The following ULK4 variants were observed in gnomAD, a reference collection of about 807,000 sequenced individuals.
ULK4 encodes unc-51 like kinase 4, also known as inactive serine/threonine-protein kinase ULK4.
Under a neutral mutation model 160.6 loss-of-function variants are expected in ULK4, and 133 were observed. That is an observed-to-expected ratio of 0.83 (90% CI 0.72 to 0.96). The LOEUF is 0.96. Among genes scored for constraint, ULK4 ranks in the 40% least tolerant of loss-of-function variants. The pLI is 0.00. For missense variants in ULK4, 1,580 were observed against 1,499.5 expected (o/e 1.05, Z -0.89); for synonymous variants, 534 against 539.8 (o/e 0.99, Z 0.15).
chr3:41,684,586 G>A (rs114319225), intron 27 of ULK4, among the ~76,000 whole-genome samples: 5,829 of 152,244 alleles, frequency 0.038, 346 homozygotes, highest in African/African-American at 0.13. Context: ...TGTCCCAAAC[G>A]TGTCAAGCAC....
intron 35 of ULK4, among the ~76,000 whole-genome samples, chr3:41,316,041 T>C (rs2080136948): frequency 6.6e-6 from 1 of 152,124 alleles, no homozygotes; most frequent in Non-Finnish European, 1.5e-5. Flanking sequence ...GTCACAGGTA[T>C]GAACACACAA....
intron 17 of ULK4, among the ~76,000 whole-genome samples, chr3:41,856,587 A>ATG (rs2042363387): frequency 5.4e-5 from 4 of 73,620 alleles, no homozygotes; most frequent in Middle Eastern, 7.7e-3. Flanking sequence ...GTATATATAT[A>ATG]CACATATATA....
At chr3:41,773,275 C>G (rs1263050379) in intron 21 of ULK4, among the ~76,000 whole-genome samples, 1 of 152,194 alleles carries the variant, frequency 6.6e-6, no homozygotes, top group Non-Finnish European at 1.5e-5. Flanking sequence ...AAGAGGAAGT[C>G]AAATTGTCCC....
At chr3:41,826,472 A>G (rs2041358471) in intron 18 of ULK4, among the ~76,000 whole-genome samples, 1 of 151,860 alleles carries the variant, frequency 6.6e-6, no homozygotes, top group Non-Finnish European at 1.5e-5. Context: ...AGATCTACAA[A>G]GCAAATGGAA....
intron 22 of ULK4, among the ~76,000 whole-genome samples, chr3:41,746,293 A>AG (rs1329064285): frequency 7.0e-6 from 1 of 143,224 alleles, no homozygotes; most frequent in Non-Finnish European, 1.5e-5. Context: ...AAAAAAAAAA[A>AG]AAACCACCTA....
At chr3:41,814,958 G>A (rs1161960746) in intron 19 of ULK4, among the ~76,000 whole-genome samples, 2 of 148,106 alleles carry the variant, frequency 1.4e-5, no homozygotes, top group African/African-American at 5.0e-5. Context: ...GCCCAGGCTG[G>A]AGTGTAGTGG....
At chr3:41,663,550 AC>A in intron 30 of ULK4, 56 bp downstream of exon 30, 1 of 1,436,920 alleles carries the variant, frequency 7.0e-7, no homozygotes, top group South Asian at 1.2e-5. Context: ...TTTTCACAAC[AC>A]ATAAAATTCA....
intron 35 of ULK4, among the ~76,000 whole-genome samples, chr3:41,313,821 T>C (rs2080097841): frequency 6.6e-6 from 1 of 152,138 alleles, no homozygotes; most frequent in African/African-American, 2.4e-5. Context: ...AGACCGGGCT[T>C]AGGGACTGAC....
intron 30 of ULK4, among the ~76,000 whole-genome samples, chr3:41,652,673 G>C (rs770335714): frequency 5.3e-5 from 8 of 152,342 alleles, no homozygotes; most frequent in Non-Finnish European, 8.8e-5. Flanking sequence ...AGAATCTCAT[G>C]ATGATGGCAG....
At chr3:41,687,114 C>T (rs968627315) in intron 27 of ULK4, among the ~76,000 whole-genome samples, 2 of 151,840 alleles carry the variant, frequency 1.3e-5, no homozygotes, top group Non-Finnish European at 2.9e-5. Flanking sequence ...GTGGTTCATG[C>T]CTGTAATCCC....
intron 21 of ULK4, among the ~76,000 whole-genome samples, chr3:41,783,718 T>C (rs1284997675): frequency 6.6e-6 from 1 of 152,176 alleles, no homozygotes; most frequent in Non-Finnish European, 1.5e-5. Flanking sequence ...TTTGTCACTA[T>C]ACAGTCTGAT....
chr3:41,312,668 AAAAC>A (rs2080074087), intron 35 of ULK4, among the ~76,000 whole-genome samples: 1 of 151,584 alleles, frequency 6.6e-6, no homozygotes, highest in African/African-American at 2.4e-5. Context: ...AACAAACAAA[AAAAC>A]ATTAGCACAC....
At chr3:41,710,717 C>T (rs2037064424) in intron 25 of ULK4, among the ~76,000 whole-genome samples, 2 of 151,768 alleles carry the variant, frequency 1.3e-5, no homozygotes, top group South Asian at 2.1e-4. Context: ...TTGCTGGAAC[C>T]CACGAAACAG....
At chr3:41,299,826 A>G (rs2079745922) in intron 35 of ULK4, among the ~76,000 whole-genome samples, 1 of 152,216 alleles carries the variant, frequency 6.6e-6, no homozygotes, top group African/African-American at 2.4e-5. Flanking sequence ...CCACTGAAGG[A>G]ATACAGTATA....
At chr3:41,420,118 A>C (rs1401342091) in intron 34 of ULK4, among the ~76,000 whole-genome samples, 2 of 152,010 alleles carry the variant, frequency 1.3e-5, no homozygotes, top group African/African-American at 2.4e-5. Flanking sequence ...AATGTAAGGA[A>C]AAAAAAAGAG....
chr3:41,409,706 T>C (rs1322883179), intron 34 of ULK4, among the ~76,000 whole-genome samples: 1 of 152,122 alleles, frequency 6.6e-6, no homozygotes, highest in African/African-American at 2.4e-5. Flanking sequence ...CCCAGCACTC[T>C]GGGAGGCCGA....
intron 17 of ULK4, among the ~76,000 whole-genome samples, chr3:41,841,354 C>G (rs984095553): frequency 2.6e-5 from 4 of 151,254 alleles, no homozygotes; most frequent in Non-Finnish European, 5.9e-5. Flanking sequence ...GCCACCCCGC[C>G]TGGGAAGTGA....
intron 32 of ULK4, among the ~76,000 whole-genome samples, chr3:41,559,585 G>A (rs1007672321): frequency 6.6e-6 from 1 of 151,694 alleles, no homozygotes; most frequent in Non-Finnish European, 1.5e-5. Context: ...GTGTGAGATG[G>A]TATCTCATTG....
At chr3:41,273,339 T>C (rs1230513554) in intron 35 of ULK4, among the ~76,000 whole-genome samples, 2 of 152,308 alleles carry the variant, frequency 1.3e-5, no homozygotes, top group Middle Eastern at 3.4e-3. Context: ...CCAGGAACTA[T>C]AAGGTTTTCT....
Sources: allele counts gnomAD v4.1 joint callset (sites outside exome capture counted in the v4.1 genomes callset), GRCh38; gene constraint gnomAD v4.1.1; transcripts MANE v1.5; gene names NCBI Gene and HGNC (gene_info 2026-07-23, HGNC 2026-07-21).